The following ATP6V1C1 variants were observed in gnomAD, a reference collection of about 807,000 sequenced individuals.
ATP6V1C1 encodes ATPase H+ transporting V1 subunit C1.
A neutral mutation model predicts 53.9 loss-of-function variants in ATP6V1C1; 45 were observed. The ratio of observed to expected loss-of-function variants is 0.83; its 90% confidence interval spans 0.66 to 1.07. ATP6V1C1 has a LOEUF of 1.07. Ranked by LOEUF, ATP6V1C1 falls within the 50% of genes least tolerant of loss-of-function variation. The probability of loss-of-function intolerance (pLI) is 0.00; values close to 1 mark genes in which losing one functional copy is unlikely to be tolerated. For synonymous variants in ATP6V1C1, 153 were observed against 155.2 expected (o/e 0.99, Z 0.11); for missense variants, 315 against 440.3 (o/e 0.72, Z 2.55).
chr8:103,072,436 AT>A lies in ATP6V1C1; in HGVS notation c.*3690del, dbSNP rs1190692392. 6.6e-6 allele frequency: 1 copy of A among 152,230 alleles called. No homozygotes were observed. Among genetic ancestry groups the A allele is most frequent in the African/African-American group, 2.4e-5 (1 of 41,462 alleles). 9.4% of individuals were successfully genotyped at this position (152,230 alleles called of 1,614,324 possible). ...TATAATGAAAACCTTGCCTGCCTTTATAAAAAATGTGATTATCTTCTTCTGT... is the reference window on the plus strand; with the variant it reads ...TATAATGAAAACCTTGCCTGCCTTTAAAAAAATGTGATTATCTTCTTCTGT... On this transcript the variant is annotated 3_prime_UTR_variant, in exon 13 of 13. Transcript: ENST00000518738.
At chr8:103,021,277 A>T (rs2454042) in intron 1 of ATP6V1C1, 52 bp downstream of exon 1, 19,471 of 152,500 alleles carry the variant, frequency 0.13, 2,680 homozygotes, top group African/African-American at 0.35. Flanking sequence ...AGGCCGAAGC[A>T]TGAGCTCCGG....
Position 103,040,832 on chromosome 8 carries a change from CA to C in ATP6V1C1, c.-2del, listed in dbSNP as rs773310693. On this transcript the variant is annotated 5_prime_UTR_variant, in exon 2 of 13. Transcript: ENST00000518738. ...TGATTTTTGAGGAAATACCTAGTAA[CA>C]AACATGACTGAGTTCTGGCTTATAT... is the stretch of plus-strand genomic sequence containing the variant. 2 of 1,611,306 alleles carry C rather than the reference CA, an allele frequency of 1.2e-6. No individual in the cohort carries two copies. The highest frequency in any genetic ancestry group is 3.4e-5 in the Admixed American group (2 of 59,334).
chr8:103,066,649 T>C (rs914392523), intron 12 of ATP6V1C1, among the ~76,000 whole-genome samples: 1 of 152,254 alleles, frequency 6.6e-6, no homozygotes, highest in Admixed American at 6.5e-5. Context: ...GTTTTGCTTC[T>C]TGGCATTTCT....
At chr8:103,027,375 G>C (rs946016446) in intron 1 of ATP6V1C1, among the ~76,000 whole-genome samples, 4 of 152,154 alleles carry the variant, frequency 2.6e-5, no homozygotes, top group African/African-American at 7.2e-5. Context: ...TTAAGTGTCG[G>C]AGCACTTAGT....
intron 8 of ATP6V1C1, among the ~76,000 whole-genome samples, chr8:103,059,877 C>T (rs2458275): frequency 8.0e-5 from 6 of 75,338 alleles, no homozygotes; most frequent in South Asian, 4.1e-4. Context: ...GCCCCCAGCA[C>T]GCACACACAC....
chr8:103,041,034 T>C, intron 2 of ATP6V1C1, 66 bp downstream of exon 2: 6 of 1,521,596 alleles, frequency 3.9e-6, no homozygotes, highest in Non-Finnish European at 4.4e-6. Flanking sequence ...TTCTCTCTTT[T>C]AGTGGAAATG....
At chr8:103,057,967 G>A (rs1363114922) in intron 8 of ATP6V1C1, among the ~76,000 whole-genome samples, 8 of 152,076 alleles carry the variant, frequency 5.3e-5, no homozygotes, top group South Asian at 2.1e-4. Context: ...CATTAGAGCC[G>A]TAGAGGTTGA....
In ATP6V1C1 at chr8:103,045,657, A is replaced by G. The variant is rs527259694; in HGVS notation, c.201-3213A>G. ...TTATACATTTTTAATTAAGAAAAAA[A>G]TGGGCCGGGCATGGTGGCTCACGCC... is the stretch of plus-strand genomic sequence containing the variant. On this transcript the variant is annotated intron_variant, in intron 3 of 12. Coordinates refer to ENST00000518738, the MANE Select transcript of ATP6V1C1 (RefSeq NM_001695.5). 1.7e-3 allele frequency among the ~76,000 whole-genome samples: 262 copies of G among 152,218 alleles called. 2 individuals carry two copies. Among genetic ancestry groups the G allele is most frequent in the South Asian group, 0.012 (60 of 4,818 alleles).
chr8:103,035,923 G>A lies in ATP6V1C1; in HGVS notation c.-39-4875G>A, dbSNP rs911231934. On this transcript the variant is annotated intron_variant, in intron 1 of 12. Transcript: ENST00000518738. The stretch of plus-strand genomic sequence containing the variant: ...GAATCGTTGTTCCTTCTAGAAGGTA[G>A]GATAGTTTTGGATGCTGGGTGATGC... Among the ~76,000 whole-genome samples, 8 of 152,288 alleles carry A rather than the reference G, an allele frequency of 5.3e-5. No individual in the cohort carries two copies. In the South Asian group the frequency reaches 1.7e-3, roughly 32 times the overall value.
At chr8:103,033,875 G>A (rs1816841395) in intron 1 of ATP6V1C1, among the ~76,000 whole-genome samples, 1 of 152,212 alleles carries the variant, frequency 6.6e-6, no homozygotes, top group African/African-American at 2.4e-5. Flanking sequence ...ATGAACATTT[G>A]ACAGTTCTAA....
chr8:103,052,190 A>T (rs1817212524), intron 5 of ATP6V1C1, among the ~76,000 whole-genome samples: 1 of 152,094 alleles, frequency 6.6e-6, no homozygotes, highest in African/African-American at 2.4e-5. Context: ...TGCTAGAGCT[A>T]TGTTAAAGTC....
Position 103,052,839 on chromosome 8 carries a change from T to C in ATP6V1C1, c.473+17T>C. On this transcript the variant is annotated intron_variant, in intron 6 of 12. Transcript: ENST00000518738. ...AAAGAATGCGTAAGCAGATCAAGTA[T>C]ATTTGAGTACTAAGAACTGGGGAAG... The C allele has an allele frequency of 6.6e-7, 1 of 1,510,788 alleles. No homozygotes were observed. Among genetic ancestry groups the C allele is most frequent in the Non-Finnish European group, 9.0e-7 (1 of 1,112,412 alleles). 93.6% of individuals were successfully genotyped at this position (1,510,788 alleles called of 1,614,324 possible).
chr8:103,050,098 A>G (rs1019996092), intron 4 of ATP6V1C1, among the ~76,000 whole-genome samples: 2 of 152,214 alleles, frequency 1.3e-5, no homozygotes, highest in African/African-American at 2.4e-5. Flanking sequence ...TAGCTGCTCA[A>G]TAAATTTTTA....
At chr8:103,033,893 A>G (rs1816843695) in intron 1 of ATP6V1C1, among the ~76,000 whole-genome samples, 1 of 152,232 alleles carries the variant, frequency 6.6e-6, no homozygotes, top group Non-Finnish European at 1.5e-5. Flanking sequence ...TAATTGTCTA[A>G]TACTGCAGGG....
intron 1 of ATP6V1C1, among the ~76,000 whole-genome samples, chr8:103,035,885 C>G (rs1816888106): frequency 6.6e-6 from 1 of 152,050 alleles, no homozygotes; most frequent in Non-Finnish European, 1.5e-5. Flanking sequence ...TGTGTGTGTC[C>G]TTTCGTTTGG....
At chr8:103,065,848 G>C (rs780030266) in intron 11 of ATP6V1C1, among the ~76,000 whole-genome samples, 22 of 152,010 alleles carry the variant, frequency 1.4e-4, no homozygotes, top group South Asian at 2.1e-4. Flanking sequence ...TTGAGACCAT[G>C]CTGGCCAACA....
chr8:103,066,529 G>A, intron 12 of ATP6V1C1, 82 bp downstream of exon 12: 1 of 1,390,086 alleles, frequency 7.2e-7, no homozygotes, highest in Non-Finnish European at 9.5e-7. Context: ...GACAGAAAAG[G>A]GAGGGTAAGT....
rs774282609 is a variant in ATP6V1C1 at position 103,068,618 on chromosome 8, T to C, written c.1054-34T>C. 2.9e-5 allele frequency: 43 copies of C among 1,501,532 alleles called. 1 individual carries two copies. Among genetic ancestry groups the C allele is most frequent in the Middle Eastern group, 1.7e-4 (1 of 5,804 alleles). 93.0% of individuals were successfully genotyped at this position (1,501,532 alleles called of 1,614,324 possible). A position where few individuals can be genotyped will look rare whatever the true frequency, so the allele number is the denominator to read the frequency against. On this transcript the variant is annotated intron_variant, in intron 12 of 12. Coordinates refer to ENST00000518738, the MANE Select transcript of ATP6V1C1 (RefSeq NM_001695.5). ...GCTTTCTTTTTTTGAGTTCTGTAAA[T>C]ACAAAATTGAATAATTGTCTGTTTT...
chr8:103,057,561 G>A (rs1817312279), intron 8 of ATP6V1C1, among the ~76,000 whole-genome samples: 1 of 152,134 alleles, frequency 6.6e-6, no homozygotes, highest in Non-Finnish European at 1.5e-5. Flanking sequence ...CTAGGAAACC[G>A]GGGTGAAACA....
Sources: gnomAD v4.1 joint callset for allele counts (sites outside exome capture counted in the v4.1 genomes callset) on GRCh38, gnomAD v4.1.1 for gene constraint, MANE v1.5 for transcripts, NCBI Gene and HGNC (gene_info 2026-07-23, HGNC 2026-07-21) for gene names.